The following XKRX variants were observed in gnomAD, a reference collection of about 807,000 sequenced individuals.
The protein encoded by XKRX is XK-related protein 2.
Under a neutral mutation model 22.4 loss-of-function variants are expected in XKRX, and 11 were observed. The observed-to-expected ratio is 0.49, with a 90% CI of 0.31 to 0.81. XKRX has a LOEUF of 0.81. Among genes scored for constraint, XKRX ranks in the 40% least tolerant of loss-of-function variants. The probability of loss-of-function intolerance (pLI) is 0.05; values close to 1 mark genes in which losing one functional copy is unlikely to be tolerated. For missense variants in XKRX, 320 were observed against 336.5 expected (o/e 0.95, Z 0.38); for synonymous variants, 114 against 132.2 (o/e 0.86, Z 0.94).
At chrX:100,911,387 C>T, downstream of XKRX, 1 of 795,735 alleles carries the variant, frequency 1.3e-6, no homozygotes, top group Non-Finnish European at 1.9e-6. Context: ...TGTGAGCAAA[C>T]TGGGACTTGT....
chrX:100,927,563 C>T (rs2085502867), intron 1 of XKRX, among the ~76,000 whole-genome samples: 1 of 111,127 alleles, frequency 9.0e-6, no homozygotes. Flanking sequence ...CGCTTGATCC[C>T]AGGAGATCAA....
the XKRX span, among the ~76,000 whole-genome samples, chrX:100,902,757 A>AT: frequency 7.1e-4 from 73 of 103,224 alleles, no homozygotes; most frequent in Non-Finnish European, 8.4e-4. Flanking sequence ...AAGAACATCT[A>AT]TTTTTTTTTT....
intron 2 of XKRX, among the ~76,000 whole-genome samples, chrX:100,922,079 C>T (rs375162079): frequency 1.4e-4 from 15 of 109,882 alleles, no homozygotes; most frequent in Non-Finnish European, 2.1e-4. Flanking sequence ...GTGATCCACC[C>T]GCCTTGGCCT....
At chrX:100,907,675 T>G in the XKRX span, among the ~76,000 whole-genome samples, 1 of 112,220 alleles carries the variant, frequency 8.9e-6, no homozygotes, top group Non-Finnish European at 1.9e-5. Flanking sequence ...CCCCTATGCA[T>G]AACTCTTCGT....
At chrX:100,955,363 A>C in the XKRX span, among the ~76,000 whole-genome samples, 2 of 111,929 alleles carry the variant, frequency 1.8e-5, no homozygotes, top group African/African-American at 6.5e-5. Flanking sequence ...ACTTTCTGTG[A>C]ATCTATAATT....
the XKRX span, among the ~76,000 whole-genome samples, chrX:100,953,192 G>A: frequency 9.0e-6 from 1 of 111,491 alleles, no homozygotes; most frequent in Non-Finnish European, 1.9e-5. Flanking sequence ...GGAGGCTGAG[G>A]TCAGGGGATC....
intron 2 of XKRX, among the ~76,000 whole-genome samples, chrX:100,919,969 G>A (rs1370992874): frequency 9.0e-6 from 1 of 111,514 alleles, no homozygotes; most frequent in Non-Finnish European, 1.9e-5. Flanking sequence ...TTTGCAATTA[G>A]GAAACAACTT....
chrX:100,912,921 C>T (rs916561184), downstream of XKRX, among the ~76,000 whole-genome samples: 3 of 111,651 alleles, frequency 2.7e-5, no homozygotes, highest in Non-Finnish European at 5.6e-5. Context: ...ATCCTGGCCG[C>T]GTGAGGTGGC....
At chrX:100,927,183 A>T (rs57837326) in intron 1 of XKRX, among the ~76,000 whole-genome samples, 5,491 of 105,247 alleles carry the variant, frequency 0.052, 323 homozygotes, top group African/African-American at 0.17. Context: ...TACAAAAAAA[A>T]TTTTTTTTTT....
chrX:100,927,479 A>AT (rs746409234), intron 1 of XKRX, among the ~76,000 whole-genome samples: 46 of 109,957 alleles, frequency 4.2e-4, no homozygotes, highest in Middle Eastern at 4.6e-3. Context: ...GCCTATAAAA[A>AT]TTTTTTTTTA....
the XKRX span, chrX:100,888,699 T>A: frequency 2.7e-5 from 8 of 300,418 alleles, no homozygotes; most frequent in African/African-American, 2.2e-4. Flanking sequence ...AATAGAGTGA[T>A]CAGGGAAGTC....
chrX:100,892,331 A>C, the XKRX span, among the ~76,000 whole-genome samples: 1 of 111,949 alleles, frequency 8.9e-6, no homozygotes, highest in Non-Finnish European at 1.9e-5. Flanking sequence ...TATTTGTAAC[A>C]CAAAGGTTTA....
chrX:100,888,317 C>G, the XKRX span: 3 of 698,570 alleles, frequency 4.3e-6, no homozygotes, highest in Non-Finnish European at 4.5e-6. Context: ...ATAATCTTCT[C>G]TTGAGACAGT....
the XKRX span, chrX:100,956,659 C>T: frequency 1.8e-6 from 1 of 547,905 alleles, no homozygotes. Context: ...ACATGTGACC[C>T]TCTTCCGCCC....
the XKRX span, among the ~76,000 whole-genome samples, chrX:100,894,521 C>G: frequency 9.0e-6 from 1 of 111,232 alleles, no homozygotes; most frequent in African/African-American, 3.3e-5. Flanking sequence ...CTCATTGCAG[C>G]CTCCACTCCC....
chrX:100,919,862 C>T (rs756227817), intron 2 of XKRX, among the ~76,000 whole-genome samples: 1 of 111,926 alleles, frequency 8.9e-6, no homozygotes, highest in South Asian at 3.7e-4. Context: ...TTTAAACATA[C>T]ATATCCTTCC....
the XKRX span, among the ~76,000 whole-genome samples, chrX:100,947,749 C>T: frequency 8.9e-6 from 1 of 111,946 alleles, no homozygotes; most frequent in East Asian, 2.8e-4. Flanking sequence ...AGAATCAAAA[C>T]AGAAATTACA....
intron 2 of XKRX, among the ~76,000 whole-genome samples, chrX:100,916,443 A>C (rs943433998): frequency 1.3e-3 from 147 of 112,294 alleles, no homozygotes; most frequent in African/African-American, 4.7e-3. Flanking sequence ...TTGAGAAGTC[A>C]CTAACGTGAG....
rs200295210 is a variant in XKRX at position 100,915,711 on chromosome X, T to TGC, written c.605-629_605-628insGC. Among the ~76,000 whole-genome samples, 526 of 72,221 alleles carry TGC rather than the reference T, an allele frequency of 7.3e-3. 8 individuals are homozygous for TGC. Among genetic ancestry groups the TGC allele is most frequent in the African/African-American group, 0.024 (507 of 21,450 alleles). The allele number at this position is 72,221 out of a possible 115,157, so 62.7% of individuals were successfully genotyped here. On this transcript the variant is annotated intron_variant, in intron 2 of 2. Coordinates refer to ENST00000372956, the MANE Select transcript of XKRX (RefSeq NM_212559.3). Reference sequence around the variant, plus strand: ...GTCTGTGTGTGTGTGTGTGTGTGCGTGTGTGTGTGTGTGTGTATGAATATT... The same window carrying TGC: ...GTCTGTGTGTGTGTGTGTGTGTGCGTGCGTGTGTGTGTGTGTGTATGAATATT...
Sources: allele counts gnomAD v4.1 joint callset (sites outside exome capture counted in the v4.1 genomes callset), GRCh38; gene constraint gnomAD v4.1.1; transcripts MANE v1.5; gene names NCBI Gene and HGNC (gene_info 2026-07-23, HGNC 2026-07-21).